MYO1D: variants seen among roughly 807,000 people sequenced by gnomAD.
MYO1D encodes unconventional myosin-Id.
In MYO1D, 83 loss-of-function variants were observed where a neutral mutation model predicts 122.0. The observed-to-expected ratio is 0.68, with a 90% CI of 0.57 to 0.82. MYO1D has a LOEUF of 0.82. Ranked by LOEUF, MYO1D falls within the 40% of genes least tolerant of loss-of-function variation. MYO1D has a pLI of 0.00. For synonymous variants in MYO1D, 464 were observed against 446.9 expected (o/e 1.04, Z -0.48); for missense variants, 1,157 against 1,269.5 (o/e 0.91, Z 1.35).
chr17:32,793,192 A>T (rs2090374370), intron 1 of MYO1D, among the ~76,000 whole-genome samples: 1 of 151,978 alleles, frequency 6.6e-6, no homozygotes, highest in South Asian at 2.1e-4. Flanking sequence ...AGTACTTGGC[A>T]CATGGACACT....
chr17:32,804,397 A>G (rs1447721510), intron 1 of MYO1D, among the ~76,000 whole-genome samples: 1 of 152,178 alleles, frequency 6.6e-6, no homozygotes, highest in Non-Finnish European at 1.5e-5. Flanking sequence ...TTTACTTTGG[A>G]GTTTACAGGA....
chr17:32,654,526 C>G lies in MYO1D; in HGVS notation c.2441G>C (p.Arg814Thr). ...VAAVEMLKGQ[R>T]ADLGLQRAWE... ...GGCCCTCTGGAGCCCGAGGTCAGCCCTTTGACCCTTCAACATTTCCACGGC... is the reference window on the plus strand; with the variant it reads ...GGCCCTCTGGAGCCCGAGGTCAGCCGTTTGACCCTTCAACATTTCCACGGC... The change falls in exon 18 of 22, where the codon AGG becomes ACG. Residue 814 changes from arginine (R) to threonine (T), a missense_variant. By Grantham distance (71) the Arg-to-Thr change is moderately conservative. Coordinates refer to ENST00000318217, the MANE Select transcript of MYO1D (RefSeq NM_015194.3). The G allele has an allele frequency of 6.2e-7, 1 of 1,614,132 alleles. No homozygotes were observed. The highest frequency in any genetic ancestry group is 1.7e-5 in the Admixed American group (1 of 60,020).
intron 21 of MYO1D, among the ~76,000 whole-genome samples, chr17:32,497,450 T>G (rs1178584223): frequency 6.6e-6 from 1 of 152,054 alleles, no homozygotes; most frequent in Non-Finnish European, 1.5e-5. Context: ...GAGTGAGACC[T>G]TGTCTCTAAA....
At chr17:32,509,157 G>A (rs1012424436) in intron 21 of MYO1D, among the ~76,000 whole-genome samples, 3 of 152,218 alleles carry the variant, frequency 2.0e-5, no homozygotes, top group African/African-American at 7.2e-5. Flanking sequence ...AGGGTCAGGT[G>A]GGGTACATGT....
At chr17:32,740,280 T>C (rs556482545) in intron 13 of MYO1D, among the ~76,000 whole-genome samples, 1 of 152,226 alleles carries the variant, frequency 6.6e-6, no homozygotes, top group Non-Finnish European at 1.5e-5. Context: ...GTTTGGTCTA[T>C]GCAGTTTCTA....
chr17:32,676,547 C>G (rs926041531), intron 16 of MYO1D, among the ~76,000 whole-genome samples: 6 of 152,052 alleles, frequency 3.9e-5, no homozygotes, highest in Non-Finnish European at 8.8e-5. Context: ...CAGAGAAAAA[C>G]GTTCTCTCCT....
chr17:32,549,712 C>A (rs2086994433), intron 21 of MYO1D, among the ~76,000 whole-genome samples: 1 of 152,140 alleles, frequency 6.6e-6, no homozygotes, highest in Non-Finnish European at 1.5e-5. Flanking sequence ...TATGCAAATA[C>A]CAATGACCTG....
At position 32,619,581 on chromosome 17, in the gene MYO1D, A is replaced by G. The variant is rs138154620; in HGVS notation, c.2710-14340T>C. On this transcript the variant is annotated intron_variant, in intron 20 of 21. Transcript: ENST00000318217. ...GGTCTGGTTTGTGCTGGGCATCTGC[A>G]GTTTGTAAAAGCTCCCCAAGTGATT... Among the ~76,000 whole-genome samples the G allele has an allele frequency of 2.9e-3, 446 of 152,308 alleles. 2 individuals are homozygous for G. Among genetic ancestry groups the G allele is most frequent in the African/African-American group, 0.01 (419 of 41,572 alleles).
chr17:32,644,672 C>T (rs1224796241), intron 19 of MYO1D, among the ~76,000 whole-genome samples: 1 of 152,122 alleles, frequency 6.6e-6, no homozygotes, highest in Non-Finnish European at 1.5e-5. Context: ...TATGTAGTGG[C>T]CTTCTTTGTC....
intron 1 of MYO1D, among the ~76,000 whole-genome samples, chr17:32,794,934 C>T (rs764437276): frequency 1.4e-3 from 215 of 152,144 alleles, no homozygotes; most frequent in African/African-American, 3.9e-3. Context: ...GAAGGAATGA[C>T]GGGTTCTCTG....
At chr17:32,809,134 TAAA>T (rs371101816) in intron 1 of MYO1D, among the ~76,000 whole-genome samples, 1 of 134,566 alleles carries the variant, frequency 7.4e-6, no homozygotes, top group African/African-American at 2.7e-5. Context: ...TTGTTTTTGA[TAAA>T]AAAAAAAAAA....
chr17:32,725,791 A>T (rs537370507), intron 14 of MYO1D, among the ~76,000 whole-genome samples: 271 of 151,530 alleles, frequency 1.8e-3, no homozygotes, highest in South Asian at 0.015. Flanking sequence ...AGCATATTTA[A>T]AAAAAAATCT....
intron 13 of MYO1D, among the ~76,000 whole-genome samples, chr17:32,740,259 T>C (rs1191464079): frequency 1.3e-5 from 2 of 152,248 alleles, no homozygotes; most frequent in African/African-American, 4.8e-5. Flanking sequence ...CTGTGTCTTT[T>C]AGTCACTGGT....
chr17:32,860,640 T>C (rs1219482451), intron 1 of MYO1D, among the ~76,000 whole-genome samples: 1 of 152,172 alleles, frequency 6.6e-6, no homozygotes, highest in Non-Finnish European at 1.5e-5. Context: ...ATAAAGGAAA[T>C]TGAAGAGTTG....
At chr17:32,614,704 T>C (rs1224075040) in intron 20 of MYO1D, among the ~76,000 whole-genome samples, 1 of 152,228 alleles carries the variant, frequency 6.6e-6, no homozygotes, top group African/African-American at 2.4e-5. Flanking sequence ...ATGGAAATGG[T>C]GGAAGCTGTG....
chr17:32,789,614 G>A (rs899784115), intron 1 of MYO1D, among the ~76,000 whole-genome samples: 2 of 152,184 alleles, frequency 1.3e-5, no homozygotes, highest in Non-Finnish European at 2.9e-5. Context: ...AACCTTATCT[G>A]GAAATAGGGT....
At position 32,683,836 on chromosome 17, in the gene MYO1D, C is replaced by T. The variant is rs1452490170; in HGVS notation, c.2122-24498G>A. Among the ~76,000 whole-genome samples, 3 of 151,998 alleles carry T rather than the reference C, an allele frequency of 2.0e-5. No individual in the cohort carries two copies. The East Asian group carries it at 5.8e-4, about 29-fold the overall frequency. On this transcript the variant is annotated intron_variant, in intron 16 of 21. Coordinates refer to ENST00000318217, the MANE Select transcript of MYO1D (RefSeq NM_015194.3). ...CAAGCCTGGGCAATGGCGGGCGCCC[C>T]TCCCCCAGCCTCGTTGCCGCCTTGC...
intron 16 of MYO1D, among the ~76,000 whole-genome samples, chr17:32,678,250 ATT>A (rs1006381357): frequency 1.0e-5 from 1 of 96,662 alleles, no homozygotes; most frequent in East Asian, 3.4e-4. Flanking sequence ...TCAAAAATAT[ATT>A]TCTTTTTTTT....
At chr17:32,741,830 A>G (rs9890492) in intron 13 of MYO1D, among the ~76,000 whole-genome samples, 75,000 of 151,418 alleles carry the variant, frequency 0.5, 18,857 homozygotes, top group East Asian at 0.73. Context: ...TGGCTAACAC[A>G]GTGAAACCCC....
Sources: gnomAD v4.1 joint callset for allele counts (sites outside exome capture counted in the v4.1 genomes callset) on GRCh38, gnomAD v4.1.1 for gene constraint, MANE v1.5 for transcripts, NCBI Gene and HGNC (gene_info 2026-07-23, HGNC 2026-07-21) for gene names.